CCDC7: variants seen among roughly 807,000 people sequenced by gnomAD.
CCDC7 encodes coiled-coil domain-containing protein 7.
In CCDC7, 183 loss-of-function variants were observed where a neutral mutation model predicts 196.9. The ratio of observed to expected loss-of-function variants is 0.93; its 90% CI spans 0.82 to 1.05. The LOEUF (loss-of-function observed/expected upper bound fraction) is 1.05. Ranked by LOEUF, CCDC7 falls within the 50% of genes least tolerant of loss-of-function variation. The pLI is 0.00. For missense variants in CCDC7, 1,540 were observed against 1,482.2 expected, an observed-to-expected ratio of 1.04 and a Z score of -0.64; for synonymous variants, 525 against 484.6, an observed-to-expected ratio of 1.08 and a Z score of -1.10.
At chr10:32,583,132 C>CTAT (rs2058904797) in exon 17 of CCDC7, 1 of 1,231,468 alleles carries the variant, frequency 8.1e-7, no homozygotes, top group African/African-American at 1.6e-5. Flanking sequence ...AATGAAGTTT[C>CTAT]AGTTGCTGAA....
At chr10:32,629,740 T>C (rs557258663) in intron 18 of CCDC7, among the ~76,000 whole-genome samples, 32 of 152,214 alleles carry the variant, frequency 2.1e-4, no homozygotes, top group African/African-American at 5.3e-4. Flanking sequence ...GTGAGAGATT[T>C]CAGGAATTTA....
At chr10:32,467,118 T>C (rs2036965746) in intron 5 of CCDC7, among the ~76,000 whole-genome samples, 1 of 151,932 alleles carries the variant, frequency 6.6e-6, no homozygotes, top group Non-Finnish European at 1.5e-5. Flanking sequence ...TTTTTTTTTT[T>C]TTGAGACAGA....
At chr10:32,588,049 C>G (rs1380935105) in intron 18 of CCDC7, among the ~76,000 whole-genome samples, 1 of 152,108 alleles carries the variant, frequency 6.6e-6, no homozygotes, top group African/African-American at 2.4e-5. Context: ...TCTTTAAAAG[C>G]CAGTTTGTCT....
intron 8 of CCDC7, among the ~76,000 whole-genome samples, chr10:32,477,248 C>T (rs192280627): frequency 5.0e-4 from 75 of 149,944 alleles, no homozygotes; most frequent in East Asian, 2.0e-3. Context: ...CTCGCTCTGT[C>T]GCTGGAGTAC....
chr10:32,722,563 T>A (rs1477328833), intron 25 of CCDC7, among the ~76,000 whole-genome samples: 3 of 152,118 alleles, frequency 2.0e-5, no homozygotes, highest in African/African-American at 7.2e-5. Context: ...TCTATATGCA[T>A]CACCCCAATC....
At chr10:32,773,603 T>C (rs2079511395) in intron 28 of CCDC7, among the ~76,000 whole-genome samples, 1 of 152,140 alleles carries the variant, frequency 6.6e-6, no homozygotes. Flanking sequence ...TCTATCTGTA[T>C]TTTTTTGTAA....
intron 11 of CCDC7, among the ~76,000 whole-genome samples, chr10:32,532,727 G>A (rs1184197189): frequency 6.6e-6 from 1 of 152,070 alleles, no homozygotes; most frequent in African/African-American, 2.4e-5. Context: ...TTATTATATA[G>A]TGACTTTGTC....
intron 24 of CCDC7, among the ~76,000 whole-genome samples, chr10:32,711,086 A>G (rs2080745773): frequency 6.6e-6 from 1 of 152,036 alleles, no homozygotes; most frequent in Non-Finnish European, 1.5e-5. Context: ...ATAATTATAT[A>G]CCATAATTGA....
chr10:32,598,856 A>G (rs1564786039), intron 18 of CCDC7, among the ~76,000 whole-genome samples: 3 of 152,130 alleles, frequency 2.0e-5, no homozygotes, highest in African/African-American at 7.2e-5. Flanking sequence ...AGAGTGTTCT[A>G]TGTACACTAG....
chr10:32,663,172 C>T (rs906864984), intron 20 of CCDC7, among the ~76,000 whole-genome samples: 1 of 152,142 alleles, frequency 6.6e-6, no homozygotes, highest in East Asian at 1.9e-4. Context: ...TTAAATCTAA[C>T]GAGAGTAACT....
At chr10:32,754,533 T>C (rs934535405) in intron 28 of CCDC7, among the ~76,000 whole-genome samples, 1 of 152,138 alleles carries the variant, frequency 6.6e-6, no homozygotes, top group African/African-American at 2.4e-5. Flanking sequence ...ATTCTAAAAC[T>C]TGGCAACAAT....
rs1367862612 is a variant in CCDC7, at chr10:32,471,235, G to A, written c.677+5G>A. The A allele has an allele frequency of 1.9e-6, 3 of 1,602,830 alleles. No homozygotes were observed. Among genetic ancestry groups the A allele is most frequent in the Non-Finnish European group, 2.5e-6 (3 of 1,176,630 alleles). ...AGTCATGTTGTCTAAAACTATGTAAGTGAAATATAAGAACTAATTGAATTA... is the reference window on the plus strand; with the variant it reads ...AGTCATGTTGTCTAAAACTATGTAAATGAAATATAAGAACTAATTGAATTA... On this transcript the variant is annotated splice_donor_5th_base_variant and intron_variant, in intron 6 of 41. Coordinates refer to ENST00000639629, the Ensembl canonical transcript of CCDC7.
Position 32,566,544 on chromosome 10 carries a change from A to G in CCDC7, c.1197+924A>G, listed in dbSNP as rs2056817820. ...AATGTATGTTTATTGTTATAGAAAC[A>G]TATCTATGACATTATTTAATGAAAA... On this transcript the variant is annotated intron_variant, in intron 14 of 41. Coordinates refer to ENST00000639629, the Ensembl canonical transcript of CCDC7. Among the ~76,000 whole-genome samples the G allele has an allele frequency of 2.6e-5, 4 of 152,308 alleles. No homozygotes were observed. In the South Asian group the frequency reaches 8.3e-4, roughly 32 times the overall value.
intron 5 of CCDC7, among the ~76,000 whole-genome samples, chr10:32,466,268 T>C (rs564774742): frequency 1.1e-4 from 16 of 152,058 alleles, no homozygotes; most frequent in African/African-American, 3.6e-4. Flanking sequence ...TTTTTTTTTT[T>C]TTTTGTAAAC....
chr10:32,746,507 T>C (rs2074764677), intron 28 of CCDC7, among the ~76,000 whole-genome samples: 1 of 152,152 alleles, frequency 6.6e-6, no homozygotes, highest in African/African-American at 2.4e-5. Flanking sequence ...GCCATGCTTC[T>C]CTAGGTGGCT....
chr10:32,661,044 C>T (rs1415080865), intron 20 of CCDC7, among the ~76,000 whole-genome samples: 1 of 146,124 alleles, frequency 6.8e-6, no homozygotes, highest in Non-Finnish European at 1.5e-5. Context: ...AGGCAACCTA[C>T]AAAATGGGAG....
At chr10:32,774,651 C>T (rs1433786715) in intron 28 of CCDC7, among the ~76,000 whole-genome samples, 1 of 151,766 alleles carries the variant, frequency 6.6e-6, no homozygotes, top group Non-Finnish European at 1.5e-5. Context: ...TATTTTTTTT[C>T]TAGGGGAAGT....
In CCDC7 at chr10:32,694,929, G is replaced by C. The variant is rs1171605311; in HGVS notation, c.2395G>C (p.Val799Leu). The change falls in exon 24 of 42, where the codon GTG becomes CTG. Residue 799 changes from valine (V) to leucine (L), a missense_variant. Transcript: ENST00000639629. The stretch of plus-strand genomic sequence containing the variant: ...TCTTGTGCTTGAACATCAAGATTCA[G>C]TGTCAAAACTGGAAATGCAAATTGA... The C allele has an allele frequency of 1.9e-6, 3 of 1,606,148 alleles. No individual in the cohort carries two copies. In the Admixed American group the frequency reaches 5.0e-5, roughly 27 times the overall value.
chr10:32,619,582 A>G (rs7893366), intron 18 of CCDC7, among the ~76,000 whole-genome samples: 21,561 of 152,054 alleles, frequency 0.14, 1,867 homozygotes, highest in African/African-American at 0.25. Flanking sequence ...TAGCCCTACC[A>G]GATCTTAGAC....
Sources: allele counts gnomAD v4.1 joint callset (sites outside exome capture counted in the v4.1 genomes callset), GRCh38; gene constraint gnomAD v4.1.1; transcripts MANE v1.5; gene names NCBI Gene and HGNC (gene_info 2026-07-23, HGNC 2026-07-21).